GSE1: variants seen among roughly 807,000 people sequenced by gnomAD.
GSE1 encodes the protein genetic suppressor element 1.
A neutral mutation model predicts 112.6 loss-of-function variants in GSE1; 32 were observed. The observed-to-expected ratio is 0.28, with a 90% CI of 0.21 to 0.38. The LOEUF (loss-of-function observed/expected upper bound fraction) is 0.38, where lower values mean the gene tolerates loss of function less well. GSE1 is among the 10% of genes least tolerant of loss of function. GSE1 has a pLI of 1.00. For missense variants in GSE1, 2,348 were observed against 1,699.2 expected (o/e 1.38, Z -6.71); for synonymous variants, 1,115 against 735.6 (o/e 1.52, Z -8.35).
intron 6 of GSE1, 90 bp downstream of exon 6, chr16:85,656,007 C>T (rs1226879046): frequency 1.6e-5 from 17 of 1,038,210 alleles, no homozygotes; most frequent in Admixed American, 2.3e-5. Flanking sequence ...CCTGACTGGA[C>T]TCCTTGGCCA....
intron 1 of GSE1, among the ~76,000 whole-genome samples, chr16:85,209,010 C>T (rs531745069): frequency 4.1e-5 from 6 of 147,988 alleles, no homozygotes; most frequent in East Asian, 4.0e-4. Context: ...TGTTGGGGTT[C>T]GCTGCGTGTT....
rs138998019 is a variant in GSE1 at position 85,183,040 on chromosome 16, C to G, written c.2283+11233C>G. ...GTCACATGCATTCATACATGCATCA[C>G]TCCCGTGCACACTCATACACTGTCT... is the stretch of plus-strand genomic sequence containing the variant. On this transcript the variant is annotated intron_variant, in intron 1 of 2. Coordinates refer to the GSE1 transcript ENST00000637419. Among the ~76,000 whole-genome samples the G allele has an allele frequency of 1.2e-3, 180 of 152,292 alleles. 1 individual carries two copies. Among genetic ancestry groups the G allele is most frequent in the African/African-American group, 4.2e-3 (175 of 41,550 alleles).
chr16:85,546,074 C>T (rs1411077564), intron 2 of GSE1, among the ~76,000 whole-genome samples: 2 of 151,902 alleles, frequency 1.3e-5, no homozygotes, highest in Non-Finnish European at 2.9e-5. Flanking sequence ...CGGGAGCCGC[C>T]GCGCCCAGCC....
chr16:85,352,536 A>C (rs555999216), intron 1 of GSE1, among the ~76,000 whole-genome samples: 1 of 152,184 alleles, frequency 6.6e-6, no homozygotes, highest in Admixed American at 6.5e-5. Flanking sequence ...ATCCAGACCC[A>C]CTGTGGGCTT....
rs1027591641 is a variant in GSE1, at chr16:85,358,730, C to T, written c.2464+1087C>T. On this transcript the variant is annotated intron_variant, in intron 2 of 2. Transcript: ENST00000637419. ...GCCAGGGGCTTTAGGGACGCTGACC[C>T]CTCTGAAGGGCTTCCAGACACTGGC... Among the ~76,000 whole-genome samples the T allele has an allele frequency of 3.2e-4, 48 of 152,138 alleles. 3 individuals are homozygous for T. The highest frequency in any genetic ancestry group is 5.9e-5 in the Non-Finnish European group (4 of 68,032).
chr16:85,624,346 A>G (rs888720395), intron 1 of GSE1, among the ~76,000 whole-genome samples: 1 of 152,190 alleles, frequency 6.6e-6, no homozygotes, highest in African/African-American at 2.4e-5. Context: ...GCCATGGGCT[A>G]CACAGGGCAC....
intron 1 of GSE1, among the ~76,000 whole-genome samples, chr16:85,293,197 T>G (rs2045272185): frequency 6.6e-6 from 1 of 152,136 alleles, no homozygotes; most frequent in African/African-American, 2.4e-5. Flanking sequence ...GGATGAGTGA[T>G]AGGCCTGTGG....
rs558269463 is a variant in GSE1 at position 85,293,559 on chromosome 16, T to A, written c.2284-63904T>A. 3.4e-3 allele frequency among the ~76,000 whole-genome samples: 514 copies of A among 151,986 alleles called. 6 individuals carry two copies. The highest frequency in any genetic ancestry group is 0.012 in the African/African-American group (481 of 41,452). On this transcript the variant is annotated intron_variant, in intron 1 of 2. Coordinates refer to the GSE1 transcript ENST00000637419. Reference sequence around the variant, plus strand: ...AGTGAGATTCCATTTCAAAAAAAAATTTTTTTTAAAAAGTAGCTTGAAACA... The same window carrying A: ...AGTGAGATTCCATTTCAAAAAAAAAATTTTTTTAAAAAGTAGCTTGAAACA...
chr16:85,665,029 G>A lies in GSE1; in HGVS notation c.2659G>A (p.Val887Ile), dbSNP rs1357860028. ...TTTTCTCATAGACAAAGAGAGACTT[G>A]TTGAAATGCTCCGTGCCATGAAGCA... Reference protein sequence around the residue: ...AEKRKDKERLVEMLRAMKQKA... With the variant: ...AEKRKDKERLIEMLRAMKQKA... The change falls in exon 12 of 16, where the codon GTT becomes ATT. Residue 887 changes from valine to isoleucine, a missense_variant. Val to Ile is a conservative substitution (Grantham distance 29). Coordinates refer to ENST00000253458, the MANE Select transcript of GSE1 (RefSeq NM_014615.5). 3.1e-6 allele frequency: 5 copies of A among 1,607,394 alleles called. No individual in the cohort carries two copies. Among genetic ancestry groups the A allele is most frequent in the Non-Finnish European group, 4.3e-6 (5 of 1,174,130 alleles).
At chr16:85,426,493 T>TATGG (rs1249482806) in intron 2 of GSE1, among the ~76,000 whole-genome samples, 2 of 90,704 alleles carry the variant, frequency 2.2e-5, no homozygotes, top group Admixed American at 1.2e-4. Flanking sequence ...TAGATGTGTA[T>TATGG]ATGGATGGAT....
intron 14 of GSE1, among the ~76,000 whole-genome samples, chr16:85,670,250 T>G (rs550486611): frequency 1.2e-4 from 18 of 152,330 alleles, no homozygotes; most frequent in Admixed American, 1.2e-3. Flanking sequence ...TCTTTCCTTT[T>G]GAATTTGTCT....
intron 1 of GSE1, among the ~76,000 whole-genome samples, chr16:85,268,679 A>G (rs1053337566): frequency 6.6e-6 from 1 of 152,146 alleles, no homozygotes; most frequent in African/African-American, 2.4e-5. Context: ...GAGCCCCCCA[A>G]GGGCCTGGAC....
intron 2 of GSE1, among the ~76,000 whole-genome samples, chr16:85,478,901 TTC>T (rs776454887): frequency 0.051 from 4,007 of 78,516 alleles, 276 homozygotes; most frequent in Middle Eastern, 0.078. Flanking sequence ...CTTTCTTTCT[TTC>T]TTTCTTTCTT....
upstream of GSE1, among the ~76,000 whole-genome samples, chr16:85,553,511 G>T (rs2045040156): frequency 6.6e-6 from 1 of 151,886 alleles, no homozygotes; most frequent in African/African-American, 2.4e-5. Flanking sequence ...CTGCGCCCGC[G>T]TGCGCTAGGC....
At chr16:85,271,194 A>T (rs1382495882) in intron 1 of GSE1, among the ~76,000 whole-genome samples, 1 of 152,000 alleles carries the variant, frequency 6.6e-6, no homozygotes, top group Non-Finnish European at 1.5e-5. Context: ...TAGGTGGACC[A>T]CGGAAGCATG....
intron 2 of GSE1, among the ~76,000 whole-genome samples, chr16:85,436,396 A>C (rs1204125197): frequency 6.6e-6 from 1 of 152,208 alleles, no homozygotes; most frequent in Non-Finnish European, 1.5e-5. Context: ...CAGCCCCAGC[A>C]TCCCGGCGTC....
chr16:85,260,233 G>A (rs1907530244), intron 1 of GSE1, among the ~76,000 whole-genome samples: 1 of 152,042 alleles, frequency 6.6e-6, no homozygotes, highest in South Asian at 2.1e-4. Flanking sequence ...TCTGGTCTTG[G>A]GTCACACCAC....
intron 2 of GSE1, among the ~76,000 whole-genome samples, chr16:85,550,580 G>A (rs546970381): frequency 6.6e-6 from 1 of 152,248 alleles, no homozygotes; most frequent in Non-Finnish European, 1.5e-5. Context: ...TCCAGAGGGG[G>A]GGGTTGTGGC....
chr16:85,669,993 C>T (rs560861975), intron 14 of GSE1, among the ~76,000 whole-genome samples: 53 of 152,348 alleles, frequency 3.5e-4, no homozygotes, highest in African/African-American at 1.1e-3. Context: ...ATTTTAGGAT[C>T]GCCTTATATT....
Sources: allele counts gnomAD v4.1 joint callset (sites outside exome capture counted in the v4.1 genomes callset), GRCh38; gene constraint gnomAD v4.1.1; transcripts MANE v1.5; gene names NCBI Gene and HGNC (gene_info 2026-07-23, HGNC 2026-07-21).